The following MEIS1 variants were observed in gnomAD, a reference collection of about 807,000 sequenced individuals.
MEIS1 encodes the protein homeobox protein Meis1.
Under a neutral mutation model 50.8 loss-of-function variants are expected in MEIS1, and 5 were observed. The ratio of observed to expected loss-of-function variants is 0.10; its 90% CI spans 0.05 to 0.21. The LOEUF is 0.21. Among genes scored for constraint, MEIS1 ranks in the 10% least tolerant of loss-of-function variants. The probability of loss-of-function intolerance (pLI) is 1.00; values close to 1 mark genes in which losing one functional copy is unlikely to be tolerated. For synonymous variants in MEIS1, 176 were observed against 179.3 expected (o/e 0.98, Z 0.15); for missense variants, 318 against 517.3 (o/e 0.61, Z 3.74).
At chr2:66,525,917 C>T (rs894054427) in intron 8 of MEIS1, among the ~76,000 whole-genome samples, 1 of 152,202 alleles carries the variant, frequency 6.6e-6, no homozygotes, top group Non-Finnish European at 1.5e-5. Context: ...GATCAGGTAG[C>T]CTTTGTCAGT....
At chr2:66,517,829 C>G (rs1674007326) in intron 8 of MEIS1, among the ~76,000 whole-genome samples, 1 of 152,020 alleles carries the variant, frequency 6.6e-6, no homozygotes, top group South Asian at 2.1e-4. Flanking sequence ...GGGCAACTGC[C>G]TTTTTCTTTT....
chr2:66,446,754 A>G (rs1220241766), intron 6 of MEIS1, among the ~76,000 whole-genome samples: 1 of 152,124 alleles, frequency 6.6e-6, no homozygotes, highest in African/African-American at 2.4e-5. Context: ...GGCAGGTTAA[A>G]TGCCAAGTGC....
intron 9 of MEIS1, among the ~76,000 whole-genome samples, chr2:66,558,676 C>T (rs1479470644): frequency 7.2e-5 from 11 of 152,098 alleles, no homozygotes; most frequent in African/African-American, 1.9e-4. Flanking sequence ...CATAACCAGA[C>T]GGAACTAGAA....
At chr2:66,551,748 T>C (rs987762464) in intron 9 of MEIS1, among the ~76,000 whole-genome samples, 1 of 152,114 alleles carries the variant, frequency 6.6e-6, no homozygotes. Context: ...AGTGTAATCA[T>C]TTTCGAAACA....
intron 6 of MEIS1, among the ~76,000 whole-genome samples, chr2:66,461,505 T>G (rs1396938027): frequency 6.6e-6 from 1 of 152,222 alleles, no homozygotes; most frequent in Non-Finnish European, 1.5e-5. Context: ...AAATGCTAAT[T>G]CAAGAAAGGA....
At chr2:66,493,711 C>T (rs1673329055) in intron 7 of MEIS1, among the ~76,000 whole-genome samples, 1 of 152,156 alleles carries the variant, frequency 6.6e-6, no homozygotes, top group South Asian at 2.1e-4. Flanking sequence ...TCTGACTCCA[C>T]CTTTTCCTGC....
chr2:66,497,922 G>A lies in MEIS1; in HGVS notation c.743-14227G>A, dbSNP rs902028956. 3.3e-5 allele frequency among the ~76,000 whole-genome samples: 5 copies of A among 152,176 alleles called. No individual in the cohort carries two copies. In the South Asian group the frequency reaches 8.3e-4, roughly 25 times the overall value. On this transcript the variant is annotated intron_variant, in intron 7 of 12. Transcript: ENST00000272369. Reference sequence around the variant, plus strand: ...GTGATGGGACTATTTAGGCAGCACTGCCACCCATTGTTACTCTGAAGCACA... The same window carrying A: ...GTGATGGGACTATTTAGGCAGCACTACCACCCATTGTTACTCTGAAGCACA...
At chr2:66,495,297 A>G (rs1673374677) in intron 7 of MEIS1, among the ~76,000 whole-genome samples, 1 of 151,966 alleles carries the variant, frequency 6.6e-6, no homozygotes. Flanking sequence ...TACCCTGATC[A>G]TACTTACGTC....
chr2:66,562,538 A>C (rs1675244761), intron 9 of MEIS1, among the ~76,000 whole-genome samples: 1 of 152,116 alleles, frequency 6.6e-6, no homozygotes, highest in Non-Finnish European at 1.5e-5. Context: ...ATTCAAAATA[A>C]AATTCAATTT....
At position 66,435,761 on chromosome 2, in the gene MEIS1, T is replaced by C; in HGVS notation, c.-96T>C. ...CGTCGTGCTTTTTTTTTTTTTTTTT[T>C]TTTTTTCCGGGGGAGTTTGAATATT... On this transcript the variant is annotated 5_prime_UTR_variant, in exon 1 of 13. Transcript: ENST00000272369. The C allele has an allele frequency of 1.1e-6, 1 of 882,714 alleles. No individual in the cohort carries two copies. Among genetic ancestry groups the C allele is most frequent in the Non-Finnish European group, 1.7e-6 (1 of 592,196 alleles). 54.7% of individuals were successfully genotyped at this position (882,714 alleles called of 1,614,324 possible). A position where few individuals can be genotyped will look rare whatever the true frequency, so the allele number is the denominator to read the frequency against.
At chr2:66,549,559 G>C (rs574144227) in intron 9 of MEIS1, among the ~76,000 whole-genome samples, 1 of 151,942 alleles carries the variant, frequency 6.6e-6, no homozygotes, top group South Asian at 2.1e-4. Context: ...TGATATTATA[G>C]GGGAGACCAT....
intron 8 of MEIS1, among the ~76,000 whole-genome samples, chr2:66,531,779 G>A (rs1396629828): frequency 6.6e-6 from 1 of 152,178 alleles, no homozygotes; most frequent in Admixed American, 6.5e-5. Flanking sequence ...GAGACCCCAG[G>A]CCTGACTGCA....
At chr2:66,447,546 G>A (rs1005355119) in intron 6 of MEIS1, among the ~76,000 whole-genome samples, 1 of 152,148 alleles carries the variant, frequency 6.6e-6, no homozygotes, top group Non-Finnish European at 1.5e-5. Flanking sequence ...GTTCATTCTA[G>A]GCCCTTTATT....
At chr2:66,524,817 G>T (rs1457373613) in intron 8 of MEIS1, among the ~76,000 whole-genome samples, 1 of 152,000 alleles carries the variant, frequency 6.6e-6, no homozygotes, top group Non-Finnish European at 1.5e-5. Flanking sequence ...TTTAACTGAG[G>T]TATAACAAGT....
At chr2:66,443,166 C>A (rs1672041237) in intron 6 of MEIS1, 118 bp downstream of exon 6, 1 of 1,187,500 alleles carries the variant, frequency 8.4e-7, no homozygotes, top group Non-Finnish European at 1.1e-6. Context: ...CTTTTAGATA[C>A]ATTTCCATCG....
intron 6 of MEIS1, among the ~76,000 whole-genome samples, chr2:66,458,248 T>C (rs1672439474): frequency 6.6e-6 from 1 of 152,234 alleles, no homozygotes; most frequent in Non-Finnish European, 1.5e-5. Context: ...ATGCTTTGTA[T>C]ACTGTAAAGT....
In MEIS1 at chr2:66,567,505, C is replaced by G; in HGVS notation, c.1018C>G (p.Arg340Gly). The change falls in exon 10 of 13, where the codon CGA becomes GGA. Residue 340 changes from arginine to glycine, a missense_variant. By Grantham distance (125) the Arg-to-Gly change is moderately radical. Coordinates refer to ENST00000272369, the MANE Select transcript of MEIS1 (RefSeq NM_002398.3). ...IVQPMIDQSN[R>G]AVSQGTPYNP... Reference sequence around the variant, plus strand: ...GCAGCCCATGATAGACCAGTCCAACCGAGCAGGCAAGTCCCCCATAGTGAC... The same window carrying G: ...GCAGCCCATGATAGACCAGTCCAACGGAGCAGGCAAGTCCCCCATAGTGAC... 6.2e-7 allele frequency: 1 copy of G among 1,613,828 alleles called. No individual in the cohort carries two copies. Among genetic ancestry groups the G allele is most frequent in the Non-Finnish European group, 8.5e-7 (1 of 1,179,886 alleles).
At chr2:66,530,948 C>T (rs974211984) in intron 8 of MEIS1, among the ~76,000 whole-genome samples, 15 of 152,168 alleles carry the variant, frequency 9.9e-5, no homozygotes, top group Admixed American at 8.5e-4. Context: ...AAAAACCATG[C>T]AAATGCAGCT....
chr2:66,530,273 A>G (rs1203303697), intron 8 of MEIS1, among the ~76,000 whole-genome samples: 1 of 152,166 alleles, frequency 6.6e-6, no homozygotes, highest in Non-Finnish European at 1.5e-5. Context: ...AAGTAGCACT[A>G]GATACCACAC....
Sources: allele counts gnomAD v4.1 joint callset (sites outside exome capture counted in the v4.1 genomes callset), GRCh38; gene constraint gnomAD v4.1.1; transcripts MANE v1.5; gene names NCBI Gene and HGNC (gene_info 2026-07-23, HGNC 2026-07-21).